The following SLFN12L variants were observed in gnomAD, a reference collection of about 807,000 sequenced individuals.
SLFN12L encodes schlafen family member 12 like.
A neutral mutation model predicts 34.8 loss-of-function variants in SLFN12L; 34 were observed. The ratio of observed to expected loss-of-function variants is 0.98; its 90% confidence interval spans 0.74 to 1.30. The LOEUF (loss-of-function observed/expected upper bound fraction) is 1.30, where lower values mean the gene tolerates loss of function less well. Among genes scored for constraint, SLFN12L ranks in the 50% most tolerant of loss-of-function variants. The pLI, the probability that SLFN12L is intolerant of heterozygous loss-of-function variation, is 0.00. For missense variants in SLFN12L, 703 were observed against 696.2 expected, an observed-to-expected ratio of 1.01 and a Z score of -0.11; for synonymous variants, 259 against 247.5, an observed-to-expected ratio of 1.05 and a Z score of -0.44.
chr17:35,480,256 G>A, intron 2 of SLFN12L, 61 bp from the exon 3 acceptor site: 1 of 1,297,622 alleles, frequency 7.7e-7, no homozygotes, highest in Non-Finnish European at 1.0e-6. Context: ...TCTGCATTAT[G>A]AGGCAAACGT....
intron 1 of SLFN12L, among the ~76,000 whole-genome samples, chr17:35,525,736 G>A (rs1284799515): frequency 1.3e-5 from 2 of 152,116 alleles, no homozygotes; most frequent in Non-Finnish European, 2.9e-5. Flanking sequence ...GGAACAACTG[G>A]TACCAGCCAC....
intron 1 of SLFN12L, among the ~76,000 whole-genome samples, chr17:35,524,738 T>C (rs894052515): frequency 2.0e-5 from 3 of 152,142 alleles, no homozygotes; most frequent in South Asian, 2.1e-4. Context: ...GATAAATCCA[T>C]GAAGATGGGG....
intron 2 of SLFN12L, among the ~76,000 whole-genome samples, chr17:35,510,528 A>G (rs1915604369): frequency 1.3e-5 from 2 of 152,232 alleles, no homozygotes; most frequent in Admixed American, 1.3e-4. Flanking sequence ...TATTCCTATT[A>G]TAGGAAATAT....
Position 35,465,956 on chromosome 17 carries a change from A to T in SLFN12L, c.*8967T>A, listed in dbSNP as rs1308710462. Among the ~76,000 whole-genome samples, 1 of 151,910 alleles carries T rather than the reference A, an allele frequency of 6.6e-6. No individual in the cohort carries two copies. Among genetic ancestry groups the T allele is most frequent in the Non-Finnish European group, 1.5e-5 (1 of 67,994 alleles). On this transcript the variant is annotated 3_prime_UTR_variant, in exon 5 of 5. Transcript: ENST00000628453. ...ACCTCAGTACCTTCACAATTTTGCC[A>T]TCATGCACACATCTTACAGACAAGA...
At chr17:35,487,473 C>G (rs922076987) in intron 2 of SLFN12L, among the ~76,000 whole-genome samples, 1 of 151,990 alleles carries the variant, frequency 6.6e-6, no homozygotes, top group Non-Finnish European at 1.5e-5. Context: ...CACGGACCAC[C>G]CCCCCCGGAC....
intron 2 of SLFN12L, chr17:35,514,868 T>C (rs1362326262): frequency 2.5e-6 from 1 of 402,320 alleles, no homozygotes; most frequent in Non-Finnish European, 4.9e-6. Context: ...TGGAAGAGTT[T>C]GTTGTAACAC....
At chr17:35,480,258 G>T in intron 2 of SLFN12L, 63 bp from the exon 3 acceptor site, 2 of 1,275,140 alleles carry the variant, frequency 1.6e-6, no homozygotes, top group Non-Finnish European at 2.1e-6. Flanking sequence ...TGCATTATGA[G>T]GCAAACGTAG....
chr17:35,522,663 C>G lies in SLFN12L; in HGVS notation c.-299G>C. On this transcript the variant is annotated 5_prime_UTR_variant, in exon 2 of 5. Coordinates refer to ENST00000628453, the MANE Select transcript of SLFN12L (RefSeq NM_001363830.2). Reference sequence around the variant, plus strand: ...TGCTCTCAGGACTCAGGCAGAGGACCTTGGCCCTGACACACACCTCCCCAG... The same window carrying G: ...TGCTCTCAGGACTCAGGCAGAGGACGTTGGCCCTGACACACACCTCCCCAG... The G allele has an allele frequency of 1.2e-6, 2 of 1,614,106 alleles. No individual in the cohort carries two copies. Among genetic ancestry groups the G allele is most frequent in the Non-Finnish European group, 1.7e-6 (2 of 1,180,006 alleles).
chr17:35,490,893 G>A (rs781358408), intron 2 of SLFN12L: 2 of 840,258 alleles, frequency 2.4e-6, no homozygotes, highest in Non-Finnish European at 4.2e-6. Flanking sequence ...CTGAAACACA[G>A]TCCAATGACA....
In SLFN12L at chr17:35,470,902, A is replaced by G. The variant is rs1238600837; in HGVS notation, c.*4021T>C. ...GTTCAGCTCCCACTTATGAGTGAGA[A>G]CATGTAGTGTTTCATTTTCTGTTCC... is the stretch of plus-strand genomic sequence containing the variant. On this transcript the variant is annotated 3_prime_UTR_variant, in exon 5 of 5. Transcript: ENST00000628453. Among the ~76,000 whole-genome samples, 2 of 151,994 alleles carry G rather than the reference A, an allele frequency of 1.3e-5. No homozygotes were observed. Among genetic ancestry groups the G allele is most frequent in the Non-Finnish European group, 2.9e-5 (2 of 67,994 alleles).
chr17:35,522,063 T>C (rs528936749), intron 2 of SLFN12L, among the ~76,000 whole-genome samples: 1 of 152,146 alleles, frequency 6.6e-6, no homozygotes, highest in South Asian at 2.1e-4. Context: ...GGCACATGTA[T>C]ACATATGTAA....
rs575480913 is a variant in SLFN12L, at chr17:35,471,542, G to A, written c.*3381C>T. On this transcript the variant is annotated 3_prime_UTR_variant, in exon 5 of 5. Transcript: ENST00000628453. Reference sequence around the variant, plus strand: ...TCTGGTTCTAGATCCTTGAGGAATCGCCACACTGTCTTCCACAATGGTTGA... The same window carrying A: ...TCTGGTTCTAGATCCTTGAGGAATCACCACACTGTCTTCCACAATGGTTGA... Among the ~76,000 whole-genome samples the A allele has an allele frequency of 7.9e-5, 12 of 152,214 alleles. No individual in the cohort carries two copies. The highest frequency in any genetic ancestry group is 2.1e-4 in the South Asian group (1 of 4,826).
chr17:35,508,675 C>A (rs1915544986), intron 2 of SLFN12L, among the ~76,000 whole-genome samples: 1 of 152,080 alleles, frequency 6.6e-6, no homozygotes, highest in African/African-American at 2.4e-5. Context: ...TAGTACTCTC[C>A]AAAATATTTT....
chr17:35,510,848 A>G (rs1165335769), intron 2 of SLFN12L, among the ~76,000 whole-genome samples: 2 of 150,548 alleles, frequency 1.3e-5, no homozygotes, highest in African/African-American at 4.9e-5. Flanking sequence ...AAAAAAAAAG[A>G]AGAGAAAGGA....
In SLFN12L at chr17:35,464,598, CT is replaced by C. The variant is rs1336092600; in HGVS notation, c.*10324del. 2 of 152,114 alleles carry C rather than the reference CT, an allele frequency of 1.3e-5. No homozygotes were observed. Among genetic ancestry groups the C allele is most frequent in the African/African-American group, 4.8e-5 (2 of 41,410 alleles). The allele number at this position is 152,114 out of a possible 1,614,324, so 9.4% of individuals were successfully genotyped here. A position where few individuals can be genotyped will look rare whatever the true frequency, so the allele number is the denominator to read the frequency against. ...TCCATGTTCCTGCAAAAGACATGAT[CT>C]TGTTCTTTTTTATGGCTGTGTAGTA... On this transcript the variant is annotated 3_prime_UTR_variant, in exon 5 of 5. Coordinates refer to ENST00000628453, the MANE Select transcript of SLFN12L (RefSeq NM_001363830.2).
In SLFN12L at chr17:35,482,413, GC is replaced by G. The variant is rs779349873; in HGVS notation, c.87-2219del. On this transcript the variant is annotated intron_variant, in intron 2 of 4. Coordinates refer to ENST00000628453, the MANE Select transcript of SLFN12L (RefSeq NM_001363830.2). Reference sequence around the variant, plus strand: ...CAGCTAGGGCTGCACACTTTCTGGAGCCCGTGGGAGCCCTGCCTCTTCCAAG... The same window carrying G: ...CAGCTAGGGCTGCACACTTTCTGGAGCCGTGGGAGCCCTGCCTCTTCCAAG... Among the ~76,000 whole-genome samples, 219 of 152,304 alleles carry G rather than the reference GC, an allele frequency of 1.4e-3. 1 individual carries two copies. Among genetic ancestry groups the G allele is most frequent in the Non-Finnish European group, 2.3e-3 (155 of 68,016 alleles).
chr17:35,498,172 G>C, intron 2 of SLFN12L: 3 of 666,940 alleles, frequency 4.5e-6, no homozygotes, highest in Middle Eastern at 7.9e-4. Context: ...CTCGATCCGG[G>C]AGGCGGCGGC....
Position 35,495,090 on chromosome 17 carries a change from G to A in SLFN12L, c.87-14895C>T, listed in dbSNP as rs888871213. 1.2e-4 allele frequency among the ~76,000 whole-genome samples: 19 copies of A among 152,088 alleles called. 1 individual carries two copies. The highest frequency in any genetic ancestry group is 4.6e-4 in the African/African-American group (19 of 41,478). On this transcript the variant is annotated intron_variant, in intron 2 of 4. Coordinates refer to ENST00000628453, the MANE Select transcript of SLFN12L (RefSeq NM_001363830.2). ...TTTTTGTTTGTTTTCTGTAGAGAGG[G>A]GGTTTTGCTATGTTGCCCAGGTTGG...
At position 35,479,678 on chromosome 17, in the gene SLFN12L, G is replaced by T. The variant is rs181495977; in HGVS notation, c.604C>A (p.Pro202Thr). The change falls in exon 3 of 5, where the codon CCA becomes ACA. Residue 202 changes from proline to threonine, a missense_variant. Coordinates refer to ENST00000628453, the MANE Select transcript of SLFN12L (RefSeq NM_001363830.2). The part of the protein sequence containing the change: ...EKTGGRAYLR[P>T]EFPAKRACVD... ...CAGGCCCTTTTTGCAGGGAATTCTG[G>T]TCTTAAATATGCTCTCCCTCCAGTT... 369 of 1,612,738 alleles carry T rather than the reference G, an allele frequency of 2.3e-4. 1 individual carries two copies. The African/African-American group carries it at 4.2e-3, about 19-fold the overall frequency.
Sources: allele counts gnomAD v4.1 joint callset (sites outside exome capture counted in the v4.1 genomes callset), GRCh38; gene constraint gnomAD v4.1.1; transcripts MANE v1.5; gene names NCBI Gene and HGNC (gene_info 2026-07-23, HGNC 2026-07-21).